The following SCN10A variants were observed in gnomAD, a reference collection of about 807,000 sequenced individuals.
SCN10A encodes the protein sodium voltage-gated channel alpha subunit 10.
A neutral mutation model predicts 170.7 loss-of-function variants in SCN10A; 162 were observed. The ratio of observed to expected loss-of-function variants is 0.95; its 90% CI spans 0.84 to 1.08. SCN10A has a LOEUF of 1.08. Ranked by LOEUF, SCN10A falls within the 50% of genes least tolerant of loss-of-function variation. SCN10A has a pLI of 0.00. For synonymous variants in SCN10A, 985 were observed against 904.6 expected (o/e 1.09, Z -1.59); for missense variants, 2,527 against 2,436.9 (o/e 1.04, Z -0.78).
chr3:38,722,310 C>T lies in SCN10A; in HGVS notation c.3455G>A (p.Ser1152Asn). 1 of 1,614,138 alleles carries T rather than the reference C, an allele frequency of 6.2e-7. No homozygotes were observed. Residue 1152 changes from serine to asparagine, a missense_variant, in exon 20 of 28, where the codon AGC becomes AAC. Transcript: ENST00000449082. ...GAAGATGATGAAGCTCTCAAACCAGCTGTGCTCCACGATACGGTAGCAAGT... is the reference window on the plus strand; with the variant it reads ...GAAGATGATGAAGCTCTCAAACCAGTTGTGCTCCACGATACGGTAGCAAGT... Reference protein sequence around the residue: ...RKTCYRIVEHSWFESFIIFMI... With the variant: ...RKTCYRIVEHNWFESFIIFMI...
At chr3:38,801,955 T>A (rs530425977) in intron 1 of SCN10A, among the ~76,000 whole-genome samples, 1 of 152,286 alleles carries the variant, frequency 6.6e-6, no homozygotes, top group East Asian at 1.9e-4. Context: ...TCCCCTTTAA[T>A]GCTCCATAAA....
At chr3:38,729,094 C>T (rs1212797381) in intron 15 of SCN10A, among the ~76,000 whole-genome samples, 193 bp from the exon 16 acceptor site, 1 of 152,166 alleles carries the variant, frequency 6.6e-6, no homozygotes, top group African/African-American at 2.4e-5. Context: ...GATCTGCCTT[C>T]TATGGTTCAT....
rs756746876 is a variant in SCN10A, at chr3:38,793,855, C to T, written c.156G>A (p.Arg52=). 6.2e-7 allele frequency: 1 copy of T among 1,613,950 alleles called. No individual in the cohort carries two copies. Among genetic ancestry groups the T allele is most frequent in the African/African-American group, 1.3e-5 (1 of 74,918 alleles). Residue 52 remains arginine (R), a synonymous_variant, in exon 2 of 28, where the codon CGG becomes CGA. Transcript: ENST00000449082. ...REQKDQEEKP[R]PQLDLKACNQ... is the part of the protein sequence containing the mutation. The stretch of plus-strand genomic sequence containing the variant: ...TGCAGGCTTTCAAGTCCAGCTGGGG[C>T]CGAGGCTTCTCTTCTTGGTCCTTCT...
intron 6 of SCN10A, among the ~76,000 whole-genome samples, chr3:38,762,259 G>A (rs1362176641): frequency 1.3e-5 from 2 of 152,174 alleles, no homozygotes; most frequent in Non-Finnish European, 2.9e-5. Flanking sequence ...GATGGCTAAG[G>A]CAGCAGCATG....
intron 4 of SCN10A, among the ~76,000 whole-genome samples, chr3:38,775,730 C>G (rs1365452041): frequency 3.9e-5 from 6 of 152,082 alleles, no homozygotes; most frequent in Non-Finnish European, 1.5e-5. Flanking sequence ...TGCTCGTATA[C>G]CTAACAGTCA....
rs1379786038 is a variant in SCN10A, at chr3:38,737,825, TTTCTTTC to T, written c.2280+1683_2280+1689del. 6.1e-3 allele frequency among the ~76,000 whole-genome samples: 801 copies of T among 131,740 alleles called. 12 individuals carry two copies. The highest frequency in any genetic ancestry group is 0.022 in the African/African-American group (685 of 31,034). 86.4% of individuals were successfully genotyped at this position (131,740 alleles called of 152,430 possible). A position where few individuals can be genotyped will look rare whatever the true frequency, so the allele number is the denominator to read the frequency against. On this transcript the variant is annotated intron_variant, in intron 15 of 27. Coordinates refer to ENST00000449082, the MANE Select transcript of SCN10A (RefSeq NM_006514.4). ...CTTTCTTTCTTTCTTTCTTTCTTTC[TTTCTTTC>T]TCTTTCTTCTTTCTTTCTTTCTCTT...
In SCN10A at chr3:38,750,110, T is replaced by C; in HGVS notation, c.1830A>G (p.Ala610=). ...YLDEPFRAQR[A]MSVVSIITSV... is the part of the protein sequence containing the mutation. ...AGGTTATGATACTGACAACACTCAT[T>C]GCCCTTTGGGCCCGGAAAGGTTCAT... is the stretch of plus-strand genomic sequence containing the variant. Residue 610 remains alanine (A), a synonymous_variant, in exon 13 of 28, where the codon GCA becomes GCG. Coordinates refer to ENST00000449082, the MANE Select transcript of SCN10A (RefSeq NM_006514.4). 1 of 1,612,836 alleles carries C rather than the reference T, an allele frequency of 6.2e-7. No homozygotes were observed. Among genetic ancestry groups the C allele is most frequent in the Non-Finnish European group, 8.5e-7 (1 of 1,179,062 alleles).
chr3:38,710,780 T>C, intron 24 of SCN10A, 64 bp downstream of exon 24: 1 of 1,496,422 alleles, frequency 6.7e-7, no homozygotes, highest in Non-Finnish European at 9.2e-7. Flanking sequence ...TCATTTCAAA[T>C]GCAGACTGAT....
chr3:38,716,154 T>C (rs1431122918), intron 21 of SCN10A, among the ~76,000 whole-genome samples: 1 of 152,170 alleles, frequency 6.6e-6, no homozygotes, highest in Non-Finnish European at 1.5e-5. Context: ...AATGGGTAAC[T>C]ATGTGAGATG....
intron 1 of SCN10A, among the ~76,000 whole-genome samples, chr3:38,795,517 A>AT (rs1207445296): frequency 6.6e-6 from 1 of 151,594 alleles, no homozygotes; most frequent in East Asian, 1.9e-4. Flanking sequence ...TTTTGAAAAA[A>AT]TTTTTTTGTA....
chr3:38,755,622 A>G (rs922612622), intron 11 of SCN10A, among the ~76,000 whole-genome samples, 166 bp downstream of exon 11: 1 of 151,980 alleles, frequency 6.6e-6, no homozygotes, highest in Non-Finnish European at 1.5e-5. Flanking sequence ...CCCATCTATA[A>G]TTACACTTTC....
chr3:38,721,037 C>T (rs1372695651), intron 20 of SCN10A, among the ~76,000 whole-genome samples: 1 of 152,198 alleles, frequency 6.6e-6, no homozygotes, highest in African/African-American at 2.4e-5. Flanking sequence ...AGACCAGTCC[C>T]TGCCCCGAAA....
In SCN10A at chr3:38,788,995, C is replaced by G. The variant is rs1314478944; in HGVS notation, c.431G>C (p.Cys144Ser). ...LFITVTILVNCVCMTRTDLPE... is the reference protein window; with the variant it reads ...LFITVTILVNSVCMTRTDLPE... ...AAGGTCAGTTCGGGTCATGCACACACAATTAACCAAAATAGTGACCGTAAT... is the reference window on the plus strand; with the variant it reads ...AAGGTCAGTTCGGGTCATGCACACAGAATTAACCAAAATAGTGACCGTAAT... The change falls in exon 4 of 28, where the codon TGT (cysteine) becomes TCT (serine). Residue 144 changes from cysteine (C) to serine (S), a missense_variant. Transcript: ENST00000449082. 11 of 1,612,400 alleles carry G rather than the reference C, an allele frequency of 6.8e-6. No individual in the cohort carries two copies. The South Asian group carries it at 1.1e-4, about 16-fold the overall frequency.
intron 4 of SCN10A, among the ~76,000 whole-genome samples, chr3:38,787,472 A>G (rs533583465): frequency 6.6e-6 from 1 of 151,848 alleles, no homozygotes; most frequent in Non-Finnish European, 1.5e-5. Context: ...CATCTTCGGT[A>G]CTTTTTTCTT....
At chr3:38,756,956 C>G (rs1006946358) in intron 9 of SCN10A, 62 bp downstream of exon 9, 2 of 1,604,202 alleles carry the variant, frequency 1.2e-6, no homozygotes, top group Admixed American at 1.7e-5. Context: ...AGGAAAAGCA[C>G]AGCCATGCAG....
chr3:38,714,314 C>G (rs1460898582), intron 21 of SCN10A, among the ~76,000 whole-genome samples: 1 of 152,212 alleles, frequency 6.6e-6, no homozygotes, highest in Non-Finnish European at 1.5e-5. Context: ...AAAACTCAGT[C>G]TCTAACATCA....
At position 38,709,468 on chromosome 3, in the gene SCN10A, C is replaced by A. The variant is rs1196179435; in HGVS notation, c.4281+10G>T. ...ACAGCAGAAACCAGAAACTCCTGAGCACCACTTATCTTTTTTTTCTGTTGA... is the reference window on the plus strand; with the variant it reads ...ACAGCAGAAACCAGAAACTCCTGAGAACCACTTATCTTTTTTTTCTGTTGA... On this transcript the variant is annotated intron_variant, in intron 25 of 27. Coordinates refer to ENST00000449082, the MANE Select transcript of SCN10A (RefSeq NM_006514.4). 1.9e-6 allele frequency: 3 copies of A among 1,602,864 alleles called. No individual in the cohort carries two copies. The highest frequency in any genetic ancestry group is 2.6e-6 in the Non-Finnish European group (3 of 1,175,212).
intron 1 of SCN10A, among the ~76,000 whole-genome samples, chr3:38,806,070 G>A (rs2064402920): frequency 1.3e-5 from 2 of 152,168 alleles, no homozygotes; most frequent in Non-Finnish European, 2.9e-5. Flanking sequence ...TGTGGGGCTT[G>A]GTGAATGATT....
chr3:38,810,433 T>C (rs1024912039), intron 1 of SCN10A, among the ~76,000 whole-genome samples: 2 of 152,214 alleles, frequency 1.3e-5, no homozygotes, highest in African/African-American at 2.4e-5. Context: ...CACATTCTGA[T>C]TTGGTCCTCA....
Sources: allele counts gnomAD v4.1 joint callset (sites outside exome capture counted in the v4.1 genomes callset), GRCh38; gene constraint gnomAD v4.1.1; transcripts MANE v1.5; gene names NCBI Gene and HGNC (gene_info 2026-07-23, HGNC 2026-07-21).